Variants in TBC1D16 observed in about 807,000 individuals in gnomAD.
The protein encoded by TBC1D16 is TBC1 domain family member 16.
A neutral mutation model predicts 74.7 loss-of-function variants in TBC1D16; 58 were observed. The ratio of observed to expected loss-of-function variants is 0.78; its 90% CI spans 0.63 to 0.97. The LOEUF (loss-of-function observed/expected upper bound fraction) is 0.97. TBC1D16 is among the 50% of genes least tolerant of loss of function. TBC1D16 has a pLI of 0.00. For missense variants in TBC1D16, 1,014 were observed against 1,079.5 expected, an observed-to-expected ratio of 0.94 and a Z score of 0.85; for synonymous variants, 493 against 474.7, an observed-to-expected ratio of 1.04 and a Z score of -0.50.
intron 3 of TBC1D16, among the ~76,000 whole-genome samples, chr17:79,953,431 G>T (rs1379436786): frequency 6.6e-6 from 1 of 152,214 alleles, no homozygotes; most frequent in African/African-American, 2.4e-5. Context: ...TGCTTCTCAG[G>T]TGCTTTTATT....
intron 3 of TBC1D16, among the ~76,000 whole-genome samples, chr17:79,959,239 A>G (rs1464404167): frequency 3.3e-5 from 5 of 152,226 alleles, no homozygotes; most frequent in Non-Finnish European, 5.9e-5. Flanking sequence ...TTGCTGAGAT[A>G]AGTCAAATAG....
intron 3 of TBC1D16, among the ~76,000 whole-genome samples, chr17:79,958,704 T>C (rs1193417311): frequency 6.6e-6 from 1 of 152,256 alleles, no homozygotes; most frequent in Admixed American, 6.5e-5. Flanking sequence ...TGCTCATTTA[T>C]GACAAACCTG....
chr17:79,991,226 G>A (rs2035046542), intron 3 of TBC1D16, among the ~76,000 whole-genome samples: 1 of 152,240 alleles, frequency 6.6e-6, no homozygotes, highest in African/African-American at 2.4e-5. Flanking sequence ...CACGCCGGGA[G>A]AGCAGGAATG....
In TBC1D16 at chr17:79,994,167, T is replaced by C. The variant is rs1008633657; in HGVS notation, c.779+15993A>G. Among the ~76,000 whole-genome samples, 2 of 151,792 alleles carry C rather than the reference T, an allele frequency of 1.3e-5. No individual in the cohort carries two copies. Among genetic ancestry groups the C allele is most frequent in the South Asian group, 4.2e-4 (2 of 4,806 alleles). On this transcript the variant is annotated intron_variant, in intron 3 of 11. Coordinates refer to ENST00000310924, the MANE Select transcript of TBC1D16 (RefSeq NM_019020.4). This position sits in a 1 kb window ranked among gnomAD's most constrained non-coding sequence, Gnocchi z 4.6. ...TGTCAGTCCTTCGGAAGACAGTCAA[T>C]AACAGCATGGTTTAAGACGGCCCAC... is the stretch of plus-strand genomic sequence containing the variant.
rs762333584 is a variant in TBC1D16 at position 79,951,497 on chromosome 17, C to T, written c.1042G>A (p.Val348Met). The T allele has an allele frequency of 4.0e-5, 64 of 1,613,976 alleles. No individual in the cohort carries two copies. The highest frequency in any genetic ancestry group is 5.2e-5 in the Non-Finnish European group (61 of 1,180,004). The change falls in exon 5 of 12, where the codon GTG (valine) becomes ATG (methionine). Residue 348 changes from valine to methionine, a missense_variant. Val to Met is a conservative substitution (Grantham distance 21). Coordinates refer to ENST00000310924, the MANE Select transcript of TBC1D16 (RefSeq NM_019020.4). The part of the protein sequence containing the change: ...HHGGLDKLSD[V>M]FQQWKYCTEM... Reference sequence around the variant, plus strand: ...GTGCAGTATTTCCACTGCTGGAACACGTCAGACAGCTTGTCCAGGCCGCCG... The same window carrying T: ...GTGCAGTATTTCCACTGCTGGAACATGTCAGACAGCTTGTCCAGGCCGCCG...
chr17:79,984,167 A>G (rs1374737520), intron 3 of TBC1D16, among the ~76,000 whole-genome samples: 1 of 152,204 alleles, frequency 6.6e-6, no homozygotes, highest in Non-Finnish European at 1.5e-5. Flanking sequence ...GACCACAGGC[A>G]TCTGCCAGCA....
rs1307979289 is a variant in TBC1D16 at position 79,933,652 on chromosome 17, G to A, written c.*7207C>T. On this transcript the variant is annotated 3_prime_UTR_variant, in exon 12 of 12. Transcript: ENST00000310924. ...GAGTAAGAGTCACGCCTTGGAGAAG[G>A]AGGGCAGCCAAAGGCCACGCAGAAA... 6.6e-6 allele frequency: 1 copy of A among 152,282 alleles called. No individual in the cohort carries two copies. Among genetic ancestry groups the A allele is most frequent in the East Asian group, 1.9e-4 (1 of 5,196 alleles). The allele number at this position is 152,282 out of a possible 1,614,324, so 9.4% of individuals were successfully genotyped here.
chr17:79,951,635 G>T, intron 4 of TBC1D16, 38 bp from the exon 5 acceptor site: 2 of 1,601,114 alleles, frequency 1.2e-6, no homozygotes, highest in Non-Finnish European at 1.7e-6. Flanking sequence ...GAAGCCCGAT[G>T]AATATGTAAA....
intron 10 of TBC1D16, 28 bp from the exon 11 acceptor site, chr17:79,942,234 G>C: frequency 1.9e-6 from 3 of 1,564,552 alleles, no homozygotes; most frequent in Non-Finnish European, 2.6e-6. Context: ...GTTCAGACAC[G>C]GGCTCTGACC....
chr17:79,995,187 C>T (rs2035221804), intron 3 of TBC1D16, among the ~76,000 whole-genome samples: 1 of 151,976 alleles, frequency 6.6e-6, no homozygotes, highest in African/African-American at 2.4e-5. Context: ...GTAATTCCAG[C>T]TACTCCGGAG....
rs1477501122 is a variant in TBC1D16 at position 79,971,169 on chromosome 17, T to C, written c.780-18351A>G. ...TCCTGAGTAGCTGGGATTACAGGCG[T>C]GCACCACCAAGCCCGGCTAATTTGT... On this transcript the variant is annotated intron_variant, in intron 3 of 11. Coordinates refer to ENST00000310924, the MANE Select transcript of TBC1D16 (RefSeq NM_019020.4). The surrounding 1 kb of genome is among the most constrained non-coding windows in gnomAD (Gnocchi z 4.6). Among the ~76,000 whole-genome samples the C allele has an allele frequency of 1.3e-5, 2 of 152,006 alleles. No individual in the cohort carries two copies. Among genetic ancestry groups the C allele is most frequent in the Admixed American group, 6.6e-5 (1 of 15,256 alleles).
intron 3 of TBC1D16, among the ~76,000 whole-genome samples, chr17:80,006,016 T>G (rs1416483580): frequency 6.6e-6 from 1 of 152,112 alleles, no homozygotes; most frequent in Non-Finnish European, 1.5e-5. Context: ...CTACCTGCTC[T>G]GCCCTCCGGG....
chr17:79,985,900 C>A lies in TBC1D16; in HGVS notation c.779+24260G>T, dbSNP rs2034816656. On this transcript the variant is annotated intron_variant, in intron 3 of 11. Coordinates refer to ENST00000310924, the MANE Select transcript of TBC1D16 (RefSeq NM_019020.4). This position sits in a 1 kb window ranked among gnomAD's most constrained non-coding sequence, Gnocchi z 4.9. The stretch of plus-strand genomic sequence containing the variant: ...AGGGGACCAAATCAGGGGCCCTCTG[C>A]TACTACCAAACTCTCCCGGCAAAGC... Among the ~76,000 whole-genome samples, 1 of 152,186 alleles carries A rather than the reference C, an allele frequency of 6.6e-6. No individual in the cohort carries two copies. Among genetic ancestry groups the A allele is most frequent in the African/African-American group, 2.4e-5 (1 of 41,446 alleles).
intron 3 of TBC1D16, among the ~76,000 whole-genome samples, chr17:80,002,021 T>A (rs1275607813): frequency 6.6e-6 from 1 of 152,094 alleles, no homozygotes; most frequent in African/African-American, 2.4e-5. Context: ...TTTCTAATCC[T>A]CCTCGGGCTT....
At chr17:80,021,508 T>C (rs2036281008) in intron 1 of TBC1D16, among the ~76,000 whole-genome samples, 1 of 149,752 alleles carries the variant, frequency 6.7e-6, no homozygotes, top group African/African-American at 2.6e-5. Context: ...GCTTTGACAA[T>C]TTTTCTGCTG....
At chr17:80,003,103 C>T (rs1298486413) in intron 3 of TBC1D16, among the ~76,000 whole-genome samples, 5 of 152,288 alleles carry the variant, frequency 3.3e-5, no homozygotes, top group South Asian at 2.1e-4. Flanking sequence ...AGTGTGTGTG[C>T]AGGAAAGGGC....
rs1238408962 is a variant in TBC1D16, at chr17:79,954,692, G to A, written c.780-1874C>T. On this transcript the variant is annotated intron_variant, in intron 3 of 11. Coordinates refer to ENST00000310924, the MANE Select transcript of TBC1D16 (RefSeq NM_019020.4). The surrounding 1 kb of genome is among the most constrained non-coding windows in gnomAD (Gnocchi z 5.5). ...ACCGCACCCATGGGTGCCCCCTTCT[G>A]TCATCTGCTCATTGAACCGCGGGGC... Among the ~76,000 whole-genome samples the A allele has an allele frequency of 6.6e-6, 1 of 152,194 alleles. No homozygotes were observed. The highest frequency in any genetic ancestry group is 1.5e-5 in the Non-Finnish European group (1 of 68,030).
Position 80,010,139 on chromosome 17 carries a change from C to G in TBC1D16, c.779+21G>C. 1.3e-6 allele frequency: 2 copies of G among 1,587,556 alleles called. No individual in the cohort carries two copies. Among genetic ancestry groups the G allele is most frequent in the Non-Finnish European group, 1.7e-6 (2 of 1,165,268 alleles). ...GCCTTGGGGGCCTCCCGAGAGCCCACGCCCAGAACCAGGAACTCACCTGCT... is the reference window on the plus strand; with the variant it reads ...GCCTTGGGGGCCTCCCGAGAGCCCAGGCCCAGAACCAGGAACTCACCTGCT... On this transcript the variant is annotated intron_variant, in intron 3 of 11. Transcript: ENST00000310924. This position sits in a 1 kb window ranked among gnomAD's most constrained non-coding sequence, Gnocchi z 8.8.
At chr17:79,949,365 T>C (rs2032840232) in intron 7 of TBC1D16, among the ~76,000 whole-genome samples, 2 of 152,182 alleles carry the variant, frequency 1.3e-5, no homozygotes, top group African/African-American at 2.4e-5. Context: ...CAGTCCCGGG[T>C]TAGCAGATCC....
Sources: gnomAD v4.1 joint callset for allele counts (sites outside exome capture counted in the v4.1 genomes callset) on GRCh38, gnomAD v4.1.1 for gene constraint, Gnocchi (gnomAD v3.1) non-coding constraint, MANE v1.5 for transcripts, NCBI Gene and HGNC (gene_info 2026-07-23, HGNC 2026-07-21) for gene names.